GDF1: variants seen among roughly 807,000 people sequenced by gnomAD.
The protein encoded by GDF1 is embryonic growth/differentiation factor 1.
GDF1 carries 8 observed loss-of-function variants against 7.4 expected under a neutral mutation model. That is an observed-to-expected ratio of 1.09 (90% CI 0.64 to 1.96). The LOEUF (loss-of-function observed/expected upper bound fraction) is 1.96. Ranked by LOEUF, GDF1 falls within the 30% of genes most tolerant of loss-of-function variation. GDF1 has a pLI of 0.00. For missense variants in GDF1, 574 were observed against 551.5 expected, an observed-to-expected ratio of 1.04 and a Z score of -0.41; for synonymous variants, 311 against 276.7, an observed-to-expected ratio of 1.12 and a Z score of -1.23.
Position 18,879,323 on chromosome 19 carries a change from C to G in GDF1, c.-505G>C, listed in dbSNP as rs775672669. 23 of 1,609,284 alleles carry G rather than the reference C, an allele frequency of 1.4e-5. No individual in the cohort carries two copies. Among genetic ancestry groups the G allele is most frequent in the Admixed American group, 1.7e-5 (1 of 59,128 alleles). ...GTAGAAGGGGATGTCAGGCACCGTG[C>G]GCAGACTGCAGTGACTGGTGGCATA... On this transcript the variant is annotated 5_prime_UTR_variant, in exon 5 of 8. Transcript: ENST00000247005.
chr19:18,874,169 T>A (rs1188344041), intron 6 of GDF1, among the ~76,000 whole-genome samples: 1 of 152,166 alleles, frequency 6.6e-6, no homozygotes, highest in Non-Finnish European at 1.5e-5. Context: ...ACCCGGCCAC[T>A]TCTGCTTTCT....
Position 18,869,176 on chromosome 19 carries a change from CGGCCCGGGGTCCGCGCCCGCGCCCT to C in GDF1, c.515_539del (p.Gln172ArgfsTer59). The stretch of plus-strand genomic sequence containing the variant: ...CGGGCACCAACTGGCGGAGCAGCAC[CGGCCCGGGGTCCGCGCCCGCGCCCT>C]GGCCCGCTTGCGCCACGCTCAGCTC... On this transcript the variant is annotated frameshift_variant, in exon 8 of 8. Coordinates refer to ENST00000247005, the MANE Select transcript of GDF1 (RefSeq NM_001492.6). LOFTEE classifies it low-confidence loss of function (END_TRUNC). 1 of 1,154,884 alleles carries C rather than the reference CGGCCCGGGGTCCGCGCCCGCGCCCT, an allele frequency of 8.7e-7. No individual in the cohort carries two copies. Among genetic ancestry groups the C allele is most frequent in the Non-Finnish European group, 1.1e-6 (1 of 939,664 alleles). 71.5% of individuals were successfully genotyped at this position (1,154,884 alleles called of 1,614,324 possible).
intron 2 of GDF1, among the ~76,000 whole-genome samples, chr19:18,888,147 G>T (rs1338512865): frequency 1.3e-5 from 2 of 152,154 alleles, no homozygotes; most frequent in South Asian, 4.1e-4. Flanking sequence ...ATCACTTGAG[G>T]TCAGAAGTTC....
intron 2 of GDF1, 33 bp from the exon 3 acceptor site, chr19:18,884,300 T>C: frequency 7.0e-6 from 11 of 1,582,680 alleles, no homozygotes; most frequent in Non-Finnish European, 9.4e-6. Flanking sequence ...GTCAGGGCCC[T>C]GCGAAGCCTC....
intron 6 of GDF1, among the ~76,000 whole-genome samples, chr19:18,873,435 G>A (rs1476001277): frequency 6.6e-6 from 1 of 152,004 alleles, no homozygotes; most frequent in African/African-American, 2.4e-5. Context: ...AGTGGCTCAC[G>A]CCTGTAATCC....
intron 2 of GDF1, among the ~76,000 whole-genome samples, chr19:18,889,671 C>A (rs2056446339): frequency 2.0e-5 from 3 of 152,130 alleles, no homozygotes; most frequent in Admixed American, 1.3e-4. Flanking sequence ...CTCAAGTGAT[C>A]CTCCCACCTT....
intron 2 of GDF1, among the ~76,000 whole-genome samples, chr19:18,890,993 G>A (rs533813283): frequency 6.6e-6 from 1 of 151,880 alleles, no homozygotes; most frequent in Non-Finnish European, 1.5e-5. Context: ...GGGTGGTGGC[G>A]CGTGCCTATA....
At chr19:18,883,254 C>A (rs1010130888) in intron 3 of GDF1, 1 of 152,126 alleles carries the variant, frequency 6.6e-6, no homozygotes, top group African/African-American at 2.4e-5. Context: ...CAGTGTATTT[C>A]ATTTTAAAGT....
At position 18,874,958 on chromosome 19, in the gene GDF1, G is replaced by A. The variant is rs573528795; in HGVS notation, c.-313+3972C>T. 1.4e-4 allele frequency among the ~76,000 whole-genome samples: 22 copies of A among 152,346 alleles called. No individual in the cohort carries two copies. The South Asian group carries it at 4.1e-3, about 29-fold the overall frequency. On this transcript the variant is annotated intron_variant, in intron 6 of 7. Transcript: ENST00000247005. The stretch of plus-strand genomic sequence containing the variant: ...AATCCTGATTGAATTTTCGGAACCA[G>A]GCAAAGTGGCTCATGCCTGTAATGC...
Position 18,879,485 on chromosome 19 carries a change from T to G in GDF1, c.-570-97A>C, listed in dbSNP as rs1010615176. On this transcript the variant is annotated intron_variant, in intron 4 of 7. Transcript: ENST00000247005. ...TCCTAGACCCACCCTTGCCCCCTTATCCCATCCTTGCCCACCTCTGCCCAC... is the reference window on the plus strand; with the variant it reads ...TCCTAGACCCACCCTTGCCCCCTTAGCCCATCCTTGCCCACCTCTGCCCAC... The G allele has an allele frequency of 2.1e-6, 3 of 1,418,490 alleles. No homozygotes were observed. The Admixed American group carries it at 6.6e-5, about 31-fold the overall frequency. The allele number at this position is 1,418,490 out of a possible 1,614,324, so 87.9% of individuals were successfully genotyped here.
At chr19:18,894,395 A>G (rs2056574688) in intron 1 of GDF1, among the ~76,000 whole-genome samples, 1 of 152,074 alleles carries the variant, frequency 6.6e-6, no homozygotes, top group African/African-American at 2.4e-5. Flanking sequence ...CGGCTCCGGT[A>G]ACCCCTGGCA....
Position 18,870,520 on chromosome 19 carries a change from G to A in GDF1, c.-213C>T, listed in dbSNP as rs2055949247. 1 of 439,194 alleles carries A rather than the reference G, an allele frequency of 2.3e-6. No homozygotes were observed. The highest frequency in any genetic ancestry group is 3.8e-5 in the East Asian group (1 of 25,982). 27.2% of individuals were successfully genotyped at this position (439,194 alleles called of 1,614,324 possible). A position where few individuals can be genotyped will look rare whatever the true frequency, so the allele number is the denominator to read the frequency against. ...GGGTGGAGGGGCGGCCAAGGACGGG[G>A]AGCGTGGCCGGGGTATTCGGGGTGG... On this transcript the variant is annotated 5_prime_UTR_variant, in exon 7 of 8. Transcript: ENST00000247005. This position sits in a 1 kb window ranked among gnomAD's most constrained non-coding sequence, Gnocchi z 5.1.
intron 6 of GDF1, among the ~76,000 whole-genome samples, chr19:18,871,147 T>A (rs1212083268): frequency 6.7e-6 from 1 of 149,874 alleles, no homozygotes. Context: ...TGGCACAACC[T>A]CCAAGGCTCA....
intron 2 of GDF1, 135 bp downstream of exon 2, chr19:18,893,281 C>T: frequency 1.0e-6 from 1 of 956,960 alleles, no homozygotes; most frequent in Non-Finnish European, 1.5e-6. Flanking sequence ...GTGGCGTGCT[C>T]ATAGCTCCCC....
chr19:18,869,703 G>A (rs1265926946), intron 7 of GDF1, among the ~76,000 whole-genome samples: 4 of 143,418 alleles, frequency 2.8e-5, no homozygotes, highest in Admixed American at 6.9e-5. Context: ...GATGGCATCT[G>A]CAGGAAGGCA....
rs2056106830 is a variant in GDF1, at chr19:18,878,478, G to A, written c.-313+452C>T. The A allele has an allele frequency of 1.0e-6, 1 of 994,338 alleles. No individual in the cohort carries two copies. The highest frequency in any genetic ancestry group is 4.5e-5 in the South Asian group (1 of 22,446). 61.6% of individuals were successfully genotyped at this position (994,338 alleles called of 1,614,324 possible). On this transcript the variant is annotated intron_variant, in intron 6 of 7. Transcript: ENST00000247005. This position sits in a 1 kb window ranked among gnomAD's most constrained non-coding sequence, Gnocchi z 4.6. ...CCCTGTCAAACTCAGAGGCCAGGAT[G>A]TCTCGGCCCAGATGGAGCCTGGGTT...
At position 18,876,489 on chromosome 19, in the gene GDF1, G is replaced by A. The variant is rs1266565939; in HGVS notation, c.-313+2441C>T. Among the ~76,000 whole-genome samples the A allele has an allele frequency of 2.0e-5, 3 of 152,014 alleles. No individual in the cohort carries two copies. The South Asian group carries it at 6.2e-4, about 31-fold the overall frequency. On this transcript the variant is annotated intron_variant, in intron 6 of 7. Coordinates refer to ENST00000247005, the MANE Select transcript of GDF1 (RefSeq NM_001492.6). ...CCTGAGTAGCTGGGACTATAGGTGT[G>A]TGCCACAACACATGGCTGTTTTTTG...
rs1243530086 is a variant in GDF1 at position 18,884,245 on chromosome 19, C to T, written c.-891G>A. On this transcript the variant is annotated 5_prime_UTR_variant, in exon 3 of 8. Coordinates refer to ENST00000247005, the MANE Select transcript of GDF1 (RefSeq NM_001492.6). ...GGTAGGCGGCTGCAATGTCCCGTGG[C>T]ACTGCCATGCCCGGCGTCCAGTCTG... The T allele has an allele frequency of 2.5e-6, 4 of 1,612,832 alleles. No homozygotes were observed. Among genetic ancestry groups the T allele is most frequent in the Non-Finnish European group, 3.4e-6 (4 of 1,179,672 alleles).
chr19:18,878,202 C>T lies in GDF1; in HGVS notation c.-313+728G>A. On this transcript the variant is annotated intron_variant, in intron 6 of 7. Transcript: ENST00000247005. The surrounding 1 kb of genome is among the most constrained non-coding windows in gnomAD (Gnocchi z 4.6). ...CCTTCCACAACCTCCTGCCCCGGCTCCTGCTCAAACACTCCTCACGTTGCC... is the reference window on the plus strand; with the variant it reads ...CCTTCCACAACCTCCTGCCCCGGCTTCTGCTCAAACACTCCTCACGTTGCC... 6 of 985,646 alleles carry T rather than the reference C, an allele frequency of 6.1e-6. No homozygotes were observed. Among genetic ancestry groups the T allele is most frequent in the African/African-American group, 1.7e-5 (1 of 57,328 alleles). The allele number at this position is 985,646 out of a possible 1,614,324, so 61.1% of individuals were successfully genotyped here. A position where few individuals can be genotyped will look rare whatever the true frequency, so the allele number is the denominator to read the frequency against.
Sources: gnomAD v4.1 joint callset for allele counts (sites outside exome capture counted in the v4.1 genomes callset) on GRCh38, gnomAD v4.1.1 for gene constraint, Gnocchi (gnomAD v3.1) non-coding constraint, MANE v1.5 for transcripts, NCBI Gene and HGNC (gene_info 2026-07-23, HGNC 2026-07-21) for gene names.